Variants in GPR107 observed in about 807,000 individuals in gnomAD.
GPR107 encodes G protein-coupled receptor 107.
GPR107 carries 31 observed loss-of-function variants against 75.5 expected under a neutral mutation model. The observed-to-expected ratio is 0.41, with a 90% CI of 0.31 to 0.55. The LOEUF (loss-of-function observed/expected upper bound fraction) is 0.55, where lower values mean the gene tolerates loss of function less well. Ranked by LOEUF, GPR107 falls within the 20% of genes least tolerant of loss-of-function variation. The probability of loss-of-function intolerance (pLI) is 0.26; values close to 1 mark genes in which losing one functional copy is unlikely to be tolerated. For missense variants in GPR107, 572 were observed against 665.7 expected (o/e 0.86, Z 1.55); for synonymous variants, 267 against 251.3 (o/e 1.06, Z -0.59).
chr9:130,090,452 A>G (rs1446455967), intron 7 of GPR107, among the ~76,000 whole-genome samples: 2 of 148,252 alleles, frequency 1.3e-5, no homozygotes, highest in Admixed American at 6.9e-5. Flanking sequence ...CTTGAAGACT[A>G]GATAACCACA....
chr9:130,099,647 C>T lies in GPR107; in HGVS notation c.939+115C>T. 9 of 653,696 alleles carry T rather than the reference C, an allele frequency of 1.4e-5. No individual in the cohort carries two copies. The South Asian group carries it at 1.6e-4, about 12-fold the overall frequency. 40.5% of individuals were successfully genotyped at this position (653,696 alleles called of 1,614,324 possible). On this transcript the variant is annotated intron_variant, in intron 10 of 17. Transcript: ENST00000347136. Reference sequence around the variant, plus strand: ...TGGTGGGAAACAAAGACAAAGAATACATTTCTCATAAAGCCTCCTCTTGTC... The same window carrying T: ...TGGTGGGAAACAAAGACAAAGAATATATTTCTCATAAAGCCTCCTCTTGTC...
intron 10 of GPR107, 74 bp from the exon 11 acceptor site, chr9:130,100,555 G>T: frequency 9.4e-7 from 1 of 1,061,032 alleles, no homozygotes; most frequent in Non-Finnish European, 1.5e-6. Flanking sequence ...TTCCCAAATG[G>T]GTCCAAGTTA....
chr9:130,058,832 G>T (rs1241148976), intron 1 of GPR107, among the ~76,000 whole-genome samples: 1 of 152,072 alleles, frequency 6.6e-6, no homozygotes, highest in East Asian at 1.9e-4. Flanking sequence ...TGTGCCATGT[G>T]TCAGTAATTC....
Position 130,099,469 on chromosome 9 carries a change from T to G in GPR107, c.876T>G (p.Phe292Leu). ...HILRKRRNDVFKIHWLMAALP... is the reference protein window; with the variant it reads ...HILRKRRNDVLKIHWLMAALP... ...TCTGTTTTTATAGGAATGATGTATT[T>G]AAAATCCACTGGCTGATGGCGGCCC... The change falls in exon 10 of 18, where the codon TTT becomes TTG. Residue 292 changes from phenylalanine to leucine, a missense_variant. Transcript: ENST00000347136. The G allele has an allele frequency of 1.3e-6, 2 of 1,593,276 alleles. No individual in the cohort carries two copies. The highest frequency in any genetic ancestry group is 1.7e-6 in the Non-Finnish European group (2 of 1,161,132).
At chr9:130,082,120 C>A (rs1428196574) in intron 5 of GPR107, among the ~76,000 whole-genome samples, 1 of 152,144 alleles carries the variant, frequency 6.6e-6, no homozygotes, top group Non-Finnish European at 1.5e-5. Context: ...CAAGAACTCA[C>A]TCCTTACCAC....
chr9:130,133,627 G>A lies in GPR107; in HGVS notation c.1563-1398G>A, dbSNP rs143805206. On this transcript the variant is annotated intron_variant, in intron 17 of 17. Coordinates refer to ENST00000347136, the MANE Select transcript of GPR107 (RefSeq NM_020960.5). ...CTGGGGCAAGTGTCTTCCTAAAGAG[G>A]CCAGGCCTGAGACACAAGCCAGCTG... Among the ~76,000 whole-genome samples, 27 of 152,330 alleles carry A rather than the reference G, an allele frequency of 1.8e-4. No individual in the cohort carries two copies. In the East Asian group the frequency reaches 4.6e-3, roughly 26 times the overall value.
chr9:130,085,663 A>G (rs543649437), intron 6 of GPR107, among the ~76,000 whole-genome samples: 1 of 150,890 alleles, frequency 6.6e-6, no homozygotes, highest in South Asian at 2.1e-4. Context: ...TCTGTCTTAT[A>G]TTCAGCATAA....
intron 6 of GPR107, among the ~76,000 whole-genome samples, chr9:130,085,771 T>TTTTTTTTTTTTTTTTTTTTTTTTGG: frequency 7.5e-6 from 1 of 133,416 alleles, no homozygotes; most frequent in Admixed American, 7.8e-5. Context: ...TTTTTTTTTT[T>TTTTTTTTTTTTTTTTTTTTTTTTGG]GCCGGGGGGA....
At chr9:130,073,583 T>G (rs961142000) in intron 1 of GPR107, among the ~76,000 whole-genome samples, 1 of 152,134 alleles carries the variant, frequency 6.6e-6, no homozygotes, top group Non-Finnish European at 1.5e-5. Context: ...CCAGCAAACA[T>G]GTTTTCACCA....
chr9:130,095,643 T>G (rs1830849138), intron 9 of GPR107, among the ~76,000 whole-genome samples: 1 of 152,232 alleles, frequency 6.6e-6, no homozygotes, highest in South Asian at 2.1e-4. Context: ...TCCACCTGCC[T>G]TGGCCTCCCA....
rs1308089378 is a variant in GPR107 at position 130,138,514 on chromosome 9, CCCT to C, written c.*3399_*3401del. 8 of 144,840 alleles carry C rather than the reference CCCT, an allele frequency of 5.5e-5. No individual in the cohort carries two copies. Among genetic ancestry groups the C allele is most frequent in the African/African-American group, 2.0e-4 (8 of 39,128 alleles). 9.0% of individuals were successfully genotyped at this position (144,840 alleles called of 1,614,324 possible). On this transcript the variant is annotated 3_prime_UTR_variant, in exon 18 of 18. Transcript: ENST00000347136. ...TCCCCCTTCCCCTTCCGCTCCTCCT[CCCT>C]CCTCCACCTCTTTCTCCTCCTCCTT... is the stretch of plus-strand genomic sequence containing the variant.
chr9:130,090,335 C>T (rs1830704058), intron 7 of GPR107, among the ~76,000 whole-genome samples: 1 of 152,080 alleles, frequency 6.6e-6, no homozygotes, highest in African/African-American at 2.4e-5. Context: ...TCTCTAAAAC[C>T]ATAGTTGTAA....
At chr9:130,075,503 C>A in intron 1 of GPR107, 133 bp from the exon 2 acceptor site, 1 of 562,792 alleles carries the variant, frequency 1.8e-6, no homozygotes, top group Non-Finnish European at 3.3e-6. Context: ...GCCTCAGTCT[C>A]CCAAAGTGGT....
chr9:130,056,454 TA>T (rs1457831485), intron 1 of GPR107, among the ~76,000 whole-genome samples: 1 of 149,910 alleles, frequency 6.7e-6, no homozygotes, highest in East Asian at 2.0e-4. Flanking sequence ...CGTCTCAAAA[TA>T]AATAAATAAA....
In GPR107 at chr9:130,135,797, G is replaced by A. The variant is rs186924382; in HGVS notation, c.*676G>A. ...AGGAAAAGAAGGCTGTGATGTCGCT[G>A]TCAGGATCATGCCCTGTGGCACAGC... is the stretch of plus-strand genomic sequence containing the variant. On this transcript the variant is annotated 3_prime_UTR_variant, in exon 18 of 18. Transcript: ENST00000347136. The A allele has an allele frequency of 6.6e-6, 1 of 152,394 alleles. No homozygotes were observed. The highest frequency in any genetic ancestry group is 6.5e-5 in the Admixed American group (1 of 15,304). The allele number at this position is 152,394 out of a possible 1,614,324, so 9.4% of individuals were successfully genotyped here.
In GPR107 at chr9:130,076,921, C is replaced by G. The variant is rs567174586; in HGVS notation, c.307-378C>G. On this transcript the variant is annotated intron_variant, in intron 3 of 17. Coordinates refer to ENST00000347136, the MANE Select transcript of GPR107 (RefSeq NM_020960.5). Reference sequence around the variant, plus strand: ...TTTTTTTTTGAGACAGAGTCTCACTCTTGTTGCCGAGGCTGGAGTGCAATG... The same window carrying G: ...TTTTTTTTTGAGACAGAGTCTCACTGTTGTTGCCGAGGCTGGAGTGCAATG... Among the ~76,000 whole-genome samples the G allele has an allele frequency of 2.0e-5, 3 of 148,800 alleles. No individual in the cohort carries two copies. In the South Asian group the frequency reaches 6.5e-4, roughly 32 times the overall value.
At chr9:130,111,589 A>G (rs997368095) in intron 14 of GPR107, among the ~76,000 whole-genome samples, 1 of 152,220 alleles carries the variant, frequency 6.6e-6, no homozygotes, top group African/African-American at 2.4e-5. Context: ...GTTTAGGTGC[A>G]GTCCAGGCCC....
intron 11 of GPR107, 133 bp downstream of exon 11, chr9:130,100,835 G>C: frequency 1.4e-6 from 1 of 707,310 alleles, no homozygotes; most frequent in Non-Finnish European, 2.5e-6. Context: ...CATACCAGAG[G>C]AGTGTAGCTC....
chr9:130,104,247 ACT>A (rs1831105365), intron 12 of GPR107, among the ~76,000 whole-genome samples, 171 bp from the exon 13 acceptor site: 1 of 151,434 alleles, frequency 6.6e-6, no homozygotes, highest in Non-Finnish European at 1.5e-5. Context: ...TGGCATAGAG[ACT>A]CTCCTTGATA....
Sources: allele counts gnomAD v4.1 joint callset (sites outside exome capture counted in the v4.1 genomes callset), GRCh38; gene constraint gnomAD v4.1.1; transcripts MANE v1.5; gene names NCBI Gene and HGNC (gene_info 2026-07-23, HGNC 2026-07-21).